DAB1: variants seen among roughly 807,000 people sequenced by gnomAD.
DAB1 encodes the protein disabled homolog 1.
Under a neutral mutation model 64.6 loss-of-function variants are expected in DAB1, and 15 were observed. That is an observed-to-expected ratio of 0.23 (90% confidence interval 0.16 to 0.36). The LOEUF is 0.36. DAB1 is among the 10% of genes least tolerant of loss of function. The pLI is 1.00. For synonymous variants in DAB1, 235 were observed against 251.9 expected (o/e 0.93, Z 0.64); for missense variants, 596 against 706.7 (o/e 0.84, Z 1.78).
intron 1 of DAB1, among the ~76,000 whole-genome samples, chr1:57,320,924 G>C (rs1675664855): frequency 6.6e-6 from 1 of 152,168 alleles, no homozygotes; most frequent in Admixed American, 6.5e-5. Flanking sequence ...CAAGCAGTCT[G>C]ACTACACAGT....
intron 2 of DAB1, among the ~76,000 whole-genome samples, chr1:57,175,225 A>C (rs1370019198): frequency 3.3e-5 from 5 of 152,204 alleles, no homozygotes; most frequent in African/African-American, 1.2e-4. Flanking sequence ...CTTGTGATAA[A>C]AAGATCTATA....
At chr1:58,105,908 T>TA (rs1651606678) in intron 5 of DAB1, among the ~76,000 whole-genome samples, 1 of 152,220 alleles carries the variant, frequency 6.6e-6, no homozygotes, top group African/African-American at 2.4e-5. Context: ...TTCATTCATT[T>TA]ATTCAACAAA....
chr1:57,926,873 C>A (rs1332117862), intron 5 of DAB1, among the ~76,000 whole-genome samples: 2 of 152,200 alleles, frequency 1.3e-5, no homozygotes, highest in Non-Finnish European at 2.9e-5. Flanking sequence ...TAAAGGCATA[C>A]TTTCCATTAC....
chr1:58,474,860 G>GTT (rs1261136957), intron 3 of DAB1, among the ~76,000 whole-genome samples: 1 of 152,226 alleles, frequency 6.6e-6, no homozygotes, highest in African/African-American at 2.4e-5. Flanking sequence ...CCTCGGTAAA[G>GTT]TTACACAGTC....
intron 1 of DAB1, among the ~76,000 whole-genome samples, chr1:57,403,652 G>C (rs1026271526): frequency 1.3e-5 from 2 of 152,100 alleles, no homozygotes; most frequent in Admixed American, 6.6e-5. Flanking sequence ...AGTATCTTGA[G>C]ACTGTACTAG....
At chr1:58,361,671 G>A (rs977954056) in intron 3 of DAB1, among the ~76,000 whole-genome samples, 3 of 151,950 alleles carry the variant, frequency 2.0e-5, no homozygotes, top group Non-Finnish European at 2.9e-5. Flanking sequence ...GTGTAAGATC[G>A]GATTCTGGCT....
chr1:57,314,163 C>G (rs552971586), intron 1 of DAB1, among the ~76,000 whole-genome samples: 6 of 152,284 alleles, frequency 3.9e-5, no homozygotes, highest in African/African-American at 1.4e-4. Flanking sequence ...TCACTCAGCT[C>G]CTCAAAATAT....
intron 5 of DAB1, among the ~76,000 whole-genome samples, chr1:58,065,537 ACT>A (rs1357087310): frequency 1.3e-5 from 2 of 152,086 alleles, no homozygotes. Flanking sequence ...TTCATGACAG[ACT>A]CTGATTTGTA....
intron 3 of DAB1, among the ~76,000 whole-genome samples, chr1:58,480,345 A>T (rs1645461293): frequency 6.6e-6 from 1 of 152,026 alleles, no homozygotes; most frequent in Non-Finnish European, 1.5e-5. Flanking sequence ...CACCAGGAAC[A>T]CGCTGTATCT....
At chr1:57,270,245 C>G (rs960818123) in intron 2 of DAB1, among the ~76,000 whole-genome samples, 3 of 152,242 alleles carry the variant, frequency 2.0e-5, no homozygotes, top group Non-Finnish European at 4.4e-5. Flanking sequence ...TGAGCCCATG[C>G]TGGGCATTCA....
At chr1:57,684,679 T>C (rs1332577725) in intron 6 of DAB1, among the ~76,000 whole-genome samples, 1 of 152,104 alleles carries the variant, frequency 6.6e-6, no homozygotes, top group Non-Finnish European at 1.5e-5. Flanking sequence ...CTTAAACACA[T>C]AGCCCACAGA....
intron 3 of DAB1, among the ~76,000 whole-genome samples, chr1:58,455,844 T>C (rs1000476): frequency 0.088 from 13,367 of 152,230 alleles, 1,437 homozygotes; most frequent in East Asian, 0.44. Flanking sequence ...TCTCCCTCTA[T>C]AAGCATCTCT....
At chr1:58,347,349 T>C (rs989435914) in intron 3 of DAB1, among the ~76,000 whole-genome samples, 5 of 152,148 alleles carry the variant, frequency 3.3e-5, no homozygotes, top group Non-Finnish European at 2.9e-5. Flanking sequence ...CTCAGGCGAT[T>C]CACCCGCCTC....
At chr1:58,496,602 G>A (rs555563696) in intron 3 of DAB1, among the ~76,000 whole-genome samples, 26 of 152,186 alleles carry the variant, frequency 1.7e-4, no homozygotes, top group African/African-American at 6.0e-4. Flanking sequence ...GTTTACATGA[G>A]GGTCCTTGTG....
At chr1:57,704,587 T>C (rs982281934) in intron 6 of DAB1, among the ~76,000 whole-genome samples, 3 of 152,180 alleles carry the variant, frequency 2.0e-5, no homozygotes, top group African/African-American at 7.2e-5. Flanking sequence ...CCAGCAGAAT[T>C]CAAGACATTA....
At chr1:57,308,683 G>T (rs1318604930) in intron 1 of DAB1, among the ~76,000 whole-genome samples, 1 of 152,162 alleles carries the variant, frequency 6.6e-6, no homozygotes, top group Non-Finnish European at 1.5e-5. Flanking sequence ...CTAATAATAA[G>T]AAGACTGAAT....
chr1:57,025,278 T>C (rs944829932), intron 10 of DAB1, among the ~76,000 whole-genome samples: 1 of 152,170 alleles, frequency 6.6e-6, no homozygotes, highest in Non-Finnish European at 1.5e-5. Context: ...TGGTGTTAAT[T>C]CTGTTTTCTT....
intron 5 of DAB1, among the ~76,000 whole-genome samples, chr1:57,934,842 A>G (rs1400844326): frequency 6.6e-6 from 1 of 152,214 alleles, no homozygotes; most frequent in Non-Finnish European, 1.5e-5. Flanking sequence ...AAGACTCTTT[A>G]AAGTTTCCTT....
At chr1:57,855,604 G>C (rs1295309694) in intron 1 of DAB1, among the ~76,000 whole-genome samples, 3 of 152,144 alleles carry the variant, frequency 2.0e-5, no homozygotes, top group African/African-American at 7.2e-5. Flanking sequence ...ACCAATACCT[G>C]GGGGCAAAGA....
Sources: gnomAD v4.1 joint callset for allele counts (sites outside exome capture counted in the v4.1 genomes callset) on GRCh38, gnomAD v4.1.1 for gene constraint, MANE v1.5 for transcripts, NCBI Gene and HGNC (gene_info 2026-07-23, HGNC 2026-07-21) for gene names.